Variants in PRKCA observed in about 807,000 individuals in gnomAD.
PRKCA encodes protein kinase C alpha.
PRKCA carries 27 observed loss-of-function variants against 87.0 expected under a neutral mutation model. The observed-to-expected ratio is 0.31, with a 90% CI of 0.23 to 0.43. PRKCA has a LOEUF of 0.43. Among genes scored for constraint, PRKCA ranks in the 20% least tolerant of loss-of-function variants. The probability of loss-of-function intolerance (pLI) is 1.00; values close to 1 mark genes in which losing one functional copy is unlikely to be tolerated. For synonymous variants in PRKCA, 329 were observed against 311.1 expected (o/e 1.06, Z -0.61); for missense variants, 518 against 852.3 (o/e 0.61, Z 4.88).
At chr17:66,305,342 T>C (rs2143100880) in intron 1 of PRKCA, among the ~76,000 whole-genome samples, 1 of 152,356 alleles carries the variant, frequency 6.6e-6, no homozygotes, top group East Asian at 1.9e-4. Flanking sequence ...ACATTCTATG[T>C]GAAGCAAGAG....
At chr17:66,321,513 A>G (rs1343319678) in intron 2 of PRKCA, among the ~76,000 whole-genome samples, 1 of 152,170 alleles carries the variant, frequency 6.6e-6, no homozygotes, top group African/African-American at 2.4e-5. Flanking sequence ...TCTTTTTTGA[A>G]TAATGGCCTC....
chr17:66,629,291 A>G (rs1303019161), intron 3 of PRKCA, among the ~76,000 whole-genome samples: 3 of 152,204 alleles, frequency 2.0e-5, no homozygotes, highest in African/African-American at 7.2e-5. Context: ...GCCCTCTTGC[A>G]AATAATGTTA....
intron 8 of PRKCA, among the ~76,000 whole-genome samples, chr17:66,694,397 C>T (rs1350038492): frequency 6.8e-6 from 1 of 147,284 alleles, no homozygotes; most frequent in African/African-American, 2.5e-5. Context: ...CAGAGAATTG[C>T]CGGAACCCAG....
intron 13 of PRKCA, among the ~76,000 whole-genome samples, chr17:66,743,203 G>C (rs8075211): frequency 6.6e-6 from 1 of 151,960 alleles, no homozygotes; most frequent in Non-Finnish European, 1.5e-5. Flanking sequence ...GTGCACACCT[G>C]TAATACCTAG....
intron 3 of PRKCA, among the ~76,000 whole-genome samples, chr17:66,591,345 G>A (rs1039444919): frequency 2.0e-5 from 3 of 151,620 alleles, no homozygotes; most frequent in African/African-American, 7.3e-5. Context: ...TTTTAGTAGG[G>A]ATGAGGTCTT....
chr17:66,378,637 C>A (rs578109789), intron 2 of PRKCA, among the ~76,000 whole-genome samples: 1 of 152,246 alleles, frequency 6.6e-6, no homozygotes, highest in South Asian at 2.1e-4. Context: ...TAAAGTCTCA[C>A]GCCTGTAATC....
chr17:66,736,939 G>C (rs1040816526), intron 10 of PRKCA, among the ~76,000 whole-genome samples: 55 of 152,260 alleles, frequency 3.6e-4, no homozygotes, highest in African/African-American at 1.3e-3. Context: ...AATACATACT[G>C]TCTGGCCCTT....
At chr17:66,578,367 G>C (rs1969306837) in intron 3 of PRKCA, among the ~76,000 whole-genome samples, 1 of 152,150 alleles carries the variant, frequency 6.6e-6, no homozygotes, top group Admixed American at 6.5e-5. Flanking sequence ...GCTCCAGGGA[G>C]CCTGAAGTCC....
rs139885612 is a variant in PRKCA at position 66,667,867 on chromosome 17, C to T, written c.530-19244C>T. On this transcript the variant is annotated intron_variant, in intron 5 of 16. Coordinates refer to ENST00000413366, the MANE Select transcript of PRKCA (RefSeq NM_002737.3). ...ATCCTTGCATTTCTGGATTGAATTG[C>T]GGTAACCAGTTGGTAACCTCTGAAA... Among the ~76,000 whole-genome samples the T allele has an allele frequency of 9.7e-4, 148 of 152,270 alleles. 1 individual carries two copies. In the East Asian group the frequency reaches 0.013, roughly 14 times the overall value.
chr17:66,615,198 A>C (rs570200301), intron 3 of PRKCA, among the ~76,000 whole-genome samples: 164 of 152,334 alleles, frequency 1.1e-3, no homozygotes, highest in African/African-American at 3.6e-3. Context: ...GGAAGTTTCC[A>C]CATAACACTT....
chr17:66,742,880 G>T (rs1001445314), intron 13 of PRKCA, 120 bp downstream of exon 13: 19 of 1,063,286 alleles, frequency 1.8e-5, no homozygotes, highest in African/African-American at 3.2e-5. Flanking sequence ...GCCACTAAAT[G>T]GACTAAACTG....
intron 2 of PRKCA, among the ~76,000 whole-genome samples, chr17:66,318,129 A>G (rs1905422001): frequency 6.6e-6 from 1 of 152,230 alleles, no homozygotes; most frequent in African/African-American, 2.4e-5. Context: ...TAATTTTATC[A>G]TGTGCCAAAT....
chr17:66,386,131 C>A (rs904965516), intron 2 of PRKCA, among the ~76,000 whole-genome samples: 1 of 152,194 alleles, frequency 6.6e-6, no homozygotes, highest in African/African-American at 2.4e-5. Flanking sequence ...CTTTTGAAGT[C>A]TCGTTGTGTC....
intron 2 of PRKCA, among the ~76,000 whole-genome samples, chr17:66,495,525 G>GTATTGTATTTTATTTTATTTTATTT (rs1916431667): frequency 1.5e-5 from 2 of 137,262 alleles, no homozygotes; most frequent in Non-Finnish European, 3.1e-5. Context: ...ATGGTGCAAA[G>GTATTGTATTTTATTTTATTTTATTT]TATTTTATTT....
intron 3 of PRKCA, among the ~76,000 whole-genome samples, chr17:66,497,718 T>C (rs1916538879): frequency 6.6e-6 from 1 of 152,238 alleles, no homozygotes; most frequent in Non-Finnish European, 1.5e-5. Flanking sequence ...CCATCTTTAA[T>C]GCCTGTTCCC....
At chr17:66,315,228 G>C (rs997459988) in intron 2 of PRKCA, among the ~76,000 whole-genome samples, 5 of 152,124 alleles carry the variant, frequency 3.3e-5, no homozygotes, top group Non-Finnish European at 7.3e-5. Flanking sequence ...GAGATAGGCA[G>C]TGTTGTGATT....
At chr17:66,642,191 G>A (rs1971313846) in intron 4 of PRKCA, among the ~76,000 whole-genome samples, 2 of 151,632 alleles carry the variant, frequency 1.3e-5, no homozygotes, top group Admixed American at 6.6e-5. Flanking sequence ...GTGCAGTGGC[G>A]CGATGTCGGC....
chr17:66,448,811 A>G (rs1345958032), intron 2 of PRKCA, among the ~76,000 whole-genome samples: 1 of 151,994 alleles, frequency 6.6e-6, no homozygotes, highest in African/African-American at 2.4e-5. Flanking sequence ...AGTGAGTCTA[A>G]TGGTATCAAA....
chr17:66,525,892 A>G (rs1285665109), intron 3 of PRKCA, among the ~76,000 whole-genome samples: 1 of 152,150 alleles, frequency 6.6e-6, no homozygotes, highest in Non-Finnish European at 1.5e-5. Flanking sequence ...CATTCTGTGC[A>G]CATAATTATT....
Sources: allele counts gnomAD v4.1 joint callset (sites outside exome capture counted in the v4.1 genomes callset), GRCh38; gene constraint gnomAD v4.1.1; transcripts MANE v1.5; gene names NCBI Gene and HGNC (gene_info 2026-07-23, HGNC 2026-07-21).